SEC23B: variants seen among roughly 807,000 people sequenced by gnomAD.
SEC23B encodes protein transport protein Sec23B.
Under a neutral mutation model 104.3 loss-of-function variants are expected in SEC23B, and 77 were observed. The observed-to-expected ratio is 0.74, with a 90% CI of 0.61 to 0.89. The LOEUF (loss-of-function observed/expected upper bound fraction) is 0.89. Ranked by LOEUF, SEC23B falls within the 40% of genes least tolerant of loss-of-function variation. SEC23B has a pLI of 0.00. For missense variants in SEC23B, 885 were observed against 949.4 expected (o/e 0.93, Z 0.89); for synonymous variants, 338 against 332.5 (o/e 1.02, Z -0.18).
intron 10 of SEC23B, among the ~76,000 whole-genome samples, chr20:18,531,895 TA>T (rs11478997): frequency 0.68 from 101,199 of 148,596 alleles, 35,636 homozygotes; most frequent in Non-Finnish European, 0.8. Flanking sequence ...ACAAATGATT[TA>T]AAAAAAAAAA....
intron 12 of SEC23B, among the ~76,000 whole-genome samples, chr20:18,538,495 C>T (rs919809463): frequency 3.3e-5 from 5 of 151,972 alleles, no homozygotes; most frequent in Admixed American, 1.3e-4. Flanking sequence ...CCTCGTGATC[C>T]GCACGTCTCT....
chr20:18,549,840 G>A (rs1004548283), intron 16 of SEC23B, among the ~76,000 whole-genome samples: 2 of 151,818 alleles, frequency 1.3e-5, no homozygotes, highest in Admixed American at 1.3e-4. Flanking sequence ...AATTAGCTTG[G>A]AATGGCGCCA....
intron 17 of SEC23B, 152 bp from the exon 18 acceptor site, chr20:18,554,083 C>A: frequency 1.1e-6 from 1 of 883,332 alleles, no homozygotes. Flanking sequence ...CTGCCGGTAG[C>A]TCTGCTTTGC....
chr20:18,524,235 G>A (rs1407114447), intron 4 of SEC23B, among the ~76,000 whole-genome samples, 198 bp from the exon 5 acceptor site: 2 of 152,154 alleles, frequency 1.3e-5, no homozygotes, highest in Non-Finnish European at 2.9e-5. Context: ...AAAGTTGTTG[G>A]ATACAAATAG....
intron 1 of SEC23B, among the ~76,000 whole-genome samples, chr20:18,509,106 G>A (rs1156664082): frequency 1.3e-5 from 2 of 152,236 alleles, no homozygotes; most frequent in Admixed American, 1.3e-4. Flanking sequence ...AGTTGTGATA[G>A]AACTTGCTTT....
intron 14 of SEC23B, among the ~76,000 whole-genome samples, chr20:18,544,958 T>TG (rs2122134230): frequency 6.6e-6 from 1 of 152,268 alleles, no homozygotes; most frequent in South Asian, 2.1e-4. Context: ...AGGTAGAAGA[T>TG]GGGAAAGGAG....
At chr20:18,512,102 AACACTT>A in intron 2 of SEC23B, 117 bp from the exon 3 acceptor site, 7 of 656,306 alleles carry the variant, frequency 1.1e-5, no homozygotes, top group Non-Finnish European at 1.6e-5. Context: ...TACACATAGA[AACACTT>A]ACTTGTGTGA....
chr20:18,511,927 A>G (rs760501132), intron 2 of SEC23B, among the ~76,000 whole-genome samples: 4 of 152,246 alleles, frequency 2.6e-5, no homozygotes, highest in Non-Finnish European at 5.9e-5. Flanking sequence ...AAGGCAAGAG[A>G]GAAATAATGT....
intron 19 of SEC23B, among the ~76,000 whole-genome samples, chr20:18,559,087 G>C (rs1036474216): frequency 4.0e-5 from 6 of 149,542 alleles, no homozygotes; most frequent in Non-Finnish European, 7.4e-5. Flanking sequence ...TGGTGGGGGG[G>C]GTGTCGGGGG....
chr20:18,510,672 A>C, intron 1 of SEC23B, 150 bp from the exon 2 acceptor site: 2 of 658,666 alleles, frequency 3.0e-6, no homozygotes, highest in South Asian at 3.4e-5. Context: ...AGGCTGTGGC[A>C]GGAGAATCGC....
At chr20:18,553,310 C>G (rs1174357208) in intron 17 of SEC23B, among the ~76,000 whole-genome samples, 1 of 152,204 alleles carries the variant, frequency 6.6e-6, no homozygotes, top group Non-Finnish European at 1.5e-5. Flanking sequence ...ACGGTAACTG[C>G]TACTTTGAGA....
chr20:18,508,553 A>G (rs907451655), intron 1 of SEC23B, among the ~76,000 whole-genome samples: 2 of 152,132 alleles, frequency 1.3e-5, no homozygotes, highest in African/African-American at 4.8e-5. Context: ...CCTCATGCGC[A>G]TAACTTCAGA....
At chr20:18,555,286 G>T in intron 19 of SEC23B, 113 bp downstream of exon 19, 1 of 892,996 alleles carries the variant, frequency 1.1e-6, no homozygotes. Flanking sequence ...AACTGCGTAA[G>T]TTGGGTATTT....
chr20:18,543,161 C>G lies in SEC23B; in HGVS notation c.1654C>G (p.Leu552Val). 3 of 1,614,152 alleles carry G rather than the reference C, an allele frequency of 1.9e-6. No individual in the cohort carries two copies. Among genetic ancestry groups the G allele is most frequent in the Non-Finnish European group, 2.5e-6 (3 of 1,180,030 alleles). ...TGTGCTCCGGTGGCTGGACCGACAA[C>G]TCATCCGACTGGTAAATTGGGGACA... ...PDVLRWLDRQ[L>V]IRLCQKFGQY... Residue 552 changes from leucine to valine, a missense_variant, in exon 14 of 20, where the codon CTC (leucine) becomes GTC (valine). Leu to Val is a conservative substitution (Grantham distance 32). Transcript: ENST00000650089.
chr20:18,526,513 C>A lies in SEC23B; in HGVS notation c.975C>A (p.Phe325Leu). 8 of 1,614,130 alleles carry A rather than the reference C, an allele frequency of 5.0e-6. No homozygotes were observed. Among genetic ancestry groups the A allele is most frequent in the South Asian group, 1.1e-5 (1 of 91,068 alleles). ...ATATTGAGAAAGATAATGCACGATTCATGAAAAAGGCAACCAAGGTAGGTG... is the reference window on the plus strand; with the variant it reads ...ATATTGAGAAAGATAATGCACGATTAATGAAAAAGGCAACCAAGGTAGGTG... ...WHDIEKDNAR[F>L]MKKATKHYEM... The change falls in exon 8 of 20, where the codon TTC (phenylalanine) becomes TTA (leucine). Residue 325 changes from phenylalanine (F) to leucine (L), a missense_variant. Phe to Leu is a conservative substitution (Grantham distance 22, BLOSUM62 0). Transcript: ENST00000650089.
At chr20:18,556,758 G>C (rs750518825) in intron 19 of SEC23B, among the ~76,000 whole-genome samples, 2 of 152,210 alleles carry the variant, frequency 1.3e-5, no homozygotes, top group Non-Finnish European at 2.9e-5. Flanking sequence ...AGCACTTTGG[G>C]AGGCCAAGGT....
chr20:18,554,273 G>A lies in SEC23B; in HGVS notation c.2031G>A (p.Met677Ile), dbSNP rs202187007. Residue 677 changes from methionine to isoleucine, a missense_variant, in exon 18 of 20, where the codon ATG (methionine) becomes ATA (isoleucine). By Grantham distance (10) the Met-to-Ile change is conservative (BLOSUM62 1). Transcript: ENST00000650089. Reference sequence around the variant, plus strand: ...GGCGTAAAGCTGGCTACCAGGACATGCCCGAGTATGAAAACTTCAAGCACC... The same window carrying A: ...GGCGTAAAGCTGGCTACCAGGACATACCCGAGTATGAAAACTTCAAGCACC... ...AQWRKAGYQDMPEYENFKHLL... is the reference protein window; with the variant it reads ...AQWRKAGYQDIPEYENFKHLL... The A allele has an allele frequency of 1.4e-4, 223 of 1,614,194 alleles. 1 individual carries two copies. The highest frequency in any genetic ancestry group is 2.0e-4 in the South Asian group (18 of 91,082).
intron 10 of SEC23B, 52 bp from the exon 11 acceptor site, chr20:18,532,612 C>A: frequency 8.0e-7 from 1 of 1,244,398 alleles, no homozygotes; most frequent in Non-Finnish European, 1.2e-6. Context: ...ATGATGACAG[C>A]AGGGTGGATT....
At chr20:18,517,669 C>T (rs74684463) in intron 4 of SEC23B, among the ~76,000 whole-genome samples, 15,612 of 152,140 alleles carry the variant, frequency 0.1, 1,031 homozygotes, top group East Asian at 0.28. Flanking sequence ...AGGACTGCTT[C>T]TAGCGGGATT....
Sources: allele counts gnomAD v4.1 joint callset (sites outside exome capture counted in the v4.1 genomes callset), GRCh38; gene constraint gnomAD v4.1.1; transcripts MANE v1.5; gene names NCBI Gene and HGNC (gene_info 2026-07-23, HGNC 2026-07-21).